SLCO5A1: variants seen among roughly 807,000 people sequenced by gnomAD.
SLCO5A1 encodes organic anion transporter polypeptide-related protein 4.
In SLCO5A1, 39 loss-of-function variants were observed where a neutral mutation model predicts 65.1. The ratio of observed to expected loss-of-function variants is 0.60; its 90% CI spans 0.46 to 0.78. The LOEUF (loss-of-function observed/expected upper bound fraction) is 0.78, where lower values mean the gene tolerates loss of function less well. Among genes scored for constraint, SLCO5A1 ranks in the 30% least tolerant of loss-of-function variants. SLCO5A1 has a pLI of 0.00. For synonymous variants in SLCO5A1, 438 were observed against 415.7 expected, an observed-to-expected ratio of 1.05 and a Z score of -0.65; for missense variants, 1,029 against 1,069.4, an observed-to-expected ratio of 0.96 and a Z score of 0.53.
Position 69,690,294 on chromosome 8 carries a change from A to G in SLCO5A1, c.1623-7951T>C, listed in dbSNP as rs11786243. 6.6e-5 allele frequency among the ~76,000 whole-genome samples: 10 copies of G among 152,230 alleles called. No individual in the cohort carries two copies. In the East Asian group the frequency reaches 1.7e-3, roughly 26 times the overall value. ...TAAGAGAGTCATAGTTACTCCCACC[A>G]TTTACCTGTGCTTCATTGAATTTCT... On this transcript the variant is annotated intron_variant, in intron 6 of 9. Transcript: ENST00000260126.
At position 69,772,220 on chromosome 8, in the gene SLCO5A1, C is replaced by T. The variant is rs565807952; in HGVS notation, c.908-10345G>A. On this transcript the variant is annotated intron_variant, in intron 2 of 9. Coordinates refer to ENST00000260126, the MANE Select transcript of SLCO5A1 (RefSeq NM_030958.3). The stretch of plus-strand genomic sequence containing the variant: ...ATCTATATTGAATAATTCAACCTGC[C>T]TGGAAATCTATGCCCCTGAATCACA... 2.0e-5 allele frequency among the ~76,000 whole-genome samples: 3 copies of T among 152,272 alleles called. No individual in the cohort carries two copies. The South Asian group carries it at 6.2e-4, about 32-fold the overall frequency.
At chr8:69,751,471 G>C (rs1190922880) in intron 4 of SLCO5A1, among the ~76,000 whole-genome samples, 1 of 151,978 alleles carries the variant, frequency 6.6e-6, no homozygotes, top group Admixed American at 6.6e-5. Flanking sequence ...TGTGGAGGTG[G>C]AGTATATTTT....
intron 2 of SLCO5A1, among the ~76,000 whole-genome samples, chr8:69,773,344 G>A (rs956239612): frequency 5.3e-5 from 8 of 152,164 alleles, no homozygotes; most frequent in Admixed American, 2.6e-4. Flanking sequence ...AACAAGTCAC[G>A]TCCACTGTGC....
chr8:69,781,411 T>TAC (rs1264532437), intron 2 of SLCO5A1, among the ~76,000 whole-genome samples: 1 of 152,228 alleles, frequency 6.6e-6, no homozygotes, highest in African/African-American at 2.4e-5. Context: ...TTAGTCTTGG[T>TAC]ACACTTTAAG....
intron 2 of SLCO5A1, among the ~76,000 whole-genome samples, chr8:69,793,853 A>G (rs376126492): frequency 2.6e-5 from 4 of 152,252 alleles, no homozygotes; most frequent in African/African-American, 9.6e-5. Flanking sequence ...AAGGGAGTAG[A>G]GGAGAGAGAA....
intron 2 of SLCO5A1, among the ~76,000 whole-genome samples, chr8:69,803,348 CA>C (rs1819841860): frequency 6.6e-6 from 1 of 152,140 alleles, no homozygotes; most frequent in East Asian, 1.9e-4. Context: ...ACCTGGGAGG[CA>C]GAGGTTGCCG....
At chr8:69,800,536 T>C (rs1303856475) in intron 2 of SLCO5A1, among the ~76,000 whole-genome samples, 1 of 152,192 alleles carries the variant, frequency 6.6e-6, no homozygotes. Context: ...ACCAAAGGGA[T>C]ACCAACTGGC....
At chr8:69,738,570 T>C (rs143402989) in intron 4 of SLCO5A1, among the ~76,000 whole-genome samples, 58 of 152,350 alleles carry the variant, frequency 3.8e-4, no homozygotes, top group African/African-American at 1.3e-3. Context: ...TAAAGTCCAC[T>C]AGATGTGTAA....
chr8:69,730,493 G>A (rs888440496), intron 5 of SLCO5A1, among the ~76,000 whole-genome samples: 2 of 152,130 alleles, frequency 1.3e-5, no homozygotes, highest in Non-Finnish European at 2.9e-5. Context: ...AACAGACCTG[G>A]AGAGAAAAAC....
intron 4 of SLCO5A1, among the ~76,000 whole-genome samples, chr8:69,742,479 A>T (rs1816826480): frequency 6.6e-6 from 1 of 152,208 alleles, no homozygotes; most frequent in African/African-American, 2.4e-5. Context: ...AAACCAGGAG[A>T]TGCCTTAAAC....
chr8:69,682,112 C>T, intron 7 of SLCO5A1, 72 bp downstream of exon 7: 1 of 1,483,604 alleles, frequency 6.7e-7, no homozygotes. Flanking sequence ...ATTGTAGCTG[C>T]ATAGGAATTT....
At chr8:69,691,125 C>G (rs999979152) in intron 6 of SLCO5A1, among the ~76,000 whole-genome samples, 1 of 152,160 alleles carries the variant, frequency 6.6e-6, no homozygotes, top group African/African-American at 2.4e-5. Context: ...TCTTTCGGGT[C>G]CAAGGTGATT....
At position 69,832,888 on chromosome 8, in the gene SLCO5A1, G is replaced by A. The variant is rs1821237540; in HGVS notation, c.-215C>T. ...CGGCTTCAAGGCTCCGCAGCCGCGT[G>A]CCACAGGGGGCAGGGGTCCGCGCGG... On this transcript the variant is annotated 5_prime_UTR_variant, in exon 2 of 10. Coordinates refer to ENST00000260126, the MANE Select transcript of SLCO5A1 (RefSeq NM_030958.3). This position sits in a 1 kb window ranked among gnomAD's most constrained non-coding sequence, Gnocchi z 4.5. The A allele has an allele frequency of 3.3e-6, 2 of 603,178 alleles. No individual in the cohort carries two copies. Among genetic ancestry groups the A allele is most frequent in the Non-Finnish European group, 5.7e-6 (2 of 348,710 alleles). The allele number at this position is 603,178 out of a possible 1,614,324, so 37.4% of individuals were successfully genotyped here. A position where few individuals can be genotyped will look rare whatever the true frequency, so the allele number is the denominator to read the frequency against.
At chr8:69,740,538 TA>T (rs1454384784) in intron 4 of SLCO5A1, among the ~76,000 whole-genome samples, 3 of 152,128 alleles carry the variant, frequency 2.0e-5, no homozygotes, top group African/African-American at 7.2e-5. Flanking sequence ...TATGTGGGTA[TA>T]AATATAGGTC....
chr8:69,749,292 A>C (rs1192166190), intron 4 of SLCO5A1, among the ~76,000 whole-genome samples: 1 of 152,044 alleles, frequency 6.6e-6, no homozygotes, highest in East Asian at 1.9e-4. Context: ...ATCTCTCTCC[A>C]TCATTCCCAT....
At chr8:69,693,536 T>C (rs1218732803) in intron 6 of SLCO5A1, among the ~76,000 whole-genome samples, 17 of 152,226 alleles carry the variant, frequency 1.1e-4, no homozygotes. Flanking sequence ...TCTGTCAAAA[T>C]AGTGTAATAA....
At chr8:69,731,593 T>C (rs912778789) in intron 5 of SLCO5A1, among the ~76,000 whole-genome samples, 3 of 152,228 alleles carry the variant, frequency 2.0e-5, no homozygotes, top group Admixed American at 1.3e-4. Flanking sequence ...TGACTTTTTG[T>C]CCACTATGAG....
intron 6 of SLCO5A1, 37 bp downstream of exon 6, chr8:69,704,994 T>C: frequency 6.3e-7 from 1 of 1,580,530 alleles, no homozygotes; most frequent in South Asian, 1.1e-5. Context: ...TGCACCTCCA[T>C]CGTGCAGACA....
At chr8:69,804,505 G>A (rs950692568) in intron 2 of SLCO5A1, among the ~76,000 whole-genome samples, 11 of 151,918 alleles carry the variant, frequency 7.2e-5, no homozygotes, top group Non-Finnish European at 1.3e-4. Context: ...TAGTAGAGGC[G>A]GGGTTTCACC....
Sources: gnomAD v4.1 joint callset for allele counts (sites outside exome capture counted in the v4.1 genomes callset) on GRCh38, gnomAD v4.1.1 for gene constraint, Gnocchi (gnomAD v3.1) non-coding constraint, MANE v1.5 for transcripts, NCBI Gene and HGNC (gene_info 2026-07-23, HGNC 2026-07-21) for gene names.